CUL3: variants seen among roughly 807,000 people sequenced by gnomAD.
CUL3 encodes the protein cullin-3.
Under a neutral mutation model 89.1 loss-of-function variants are expected in CUL3, and 19 were observed. The observed-to-expected ratio is 0.21, with a 90% CI of 0.15 to 0.31. The LOEUF is 0.31. Ranked by LOEUF, CUL3 falls within the 10% of genes least tolerant of loss-of-function variation. The probability of loss-of-function intolerance (pLI) is 1.00; values close to 1 mark genes in which losing one functional copy is unlikely to be tolerated. For synonymous variants in CUL3, 351 were observed against 308.4 expected, an observed-to-expected ratio of 1.14 and a Z score of -1.45; for missense variants, 469 against 942.3, an observed-to-expected ratio of 0.50 and a Z score of 6.58.
chr2:224,560,233 G>A (rs921260013), intron 1 of CUL3, among the ~76,000 whole-genome samples: 2 of 151,502 alleles, frequency 1.3e-5, no homozygotes, highest in Non-Finnish European at 2.9e-5. Context: ...TCAAGTTCTC[G>A]ATTTCTTATC....
chr2:224,513,031 C>T (rs1692897165), intron 5 of CUL3, among the ~76,000 whole-genome samples: 1 of 152,186 alleles, frequency 6.6e-6, no homozygotes, highest in Admixed American at 6.5e-5. Flanking sequence ...TCCACTTCCA[C>T]TTAGTGAACA....
intron 1 of CUL3, among the ~76,000 whole-genome samples, chr2:224,558,539 G>C (rs1471173529): frequency 1.3e-5 from 2 of 152,132 alleles, no homozygotes; most frequent in Non-Finnish European, 2.9e-5. Context: ...AGGTTCTTGT[G>C]CTCAAAGTGC....
intron 1 of CUL3, among the ~76,000 whole-genome samples, chr2:224,578,347 T>C (rs528536786): frequency 1.4e-4 from 21 of 152,174 alleles, no homozygotes; most frequent in Non-Finnish European, 2.8e-4. Context: ...AACAGCAGCA[T>C]ATACAATGAT....
At chr2:224,578,767 T>C (rs1695368697) in intron 1 of CUL3, among the ~76,000 whole-genome samples, 2 of 152,160 alleles carry the variant, frequency 1.3e-5, no homozygotes, top group African/African-American at 4.8e-5. Context: ...GTAACTTTTA[T>C]ATAAACCTAA....
At chr2:224,519,330 C>G (rs534037489) in intron 3 of CUL3, among the ~76,000 whole-genome samples, 1 of 152,084 alleles carries the variant, frequency 6.6e-6, no homozygotes, top group African/African-American at 2.4e-5. Flanking sequence ...TTCCAAAATC[C>G]CCCCAAAATG....
At chr2:224,520,910 G>T (rs563225513) in intron 3 of CUL3, among the ~76,000 whole-genome samples, 1 of 152,308 alleles carries the variant, frequency 6.6e-6, no homozygotes, top group African/African-American at 2.4e-5. Flanking sequence ...GCTCAAAGGT[G>T]TCAAGACACA....
intron 1 of CUL3, among the ~76,000 whole-genome samples, chr2:224,583,085 C>G (rs1452160519): frequency 6.6e-6 from 1 of 152,112 alleles, no homozygotes; most frequent in Non-Finnish European, 1.5e-5. Context: ...GCTAGAAAAT[C>G]TGTTGTATAT....
In CUL3 at chr2:224,471,842, G is replaced by GA. The variant is rs1260574057; in HGVS notation, c.*2402dup. The stretch of plus-strand genomic sequence containing the variant: ...AAGAGATGACATGATTTTTGCAGTT[G>GA]AAAAACTATGTATCCACCCTCCTTA... On this transcript the variant is annotated 3_prime_UTR_variant, in exon 16 of 16. Coordinates refer to ENST00000264414, the MANE Select transcript of CUL3 (RefSeq NM_003590.5). 2 of 229,504 alleles carry GA rather than the reference G, an allele frequency of 8.7e-6. No homozygotes were observed. The highest frequency in any genetic ancestry group is 4.4e-5 in the African/African-American group (2 of 45,094). 14.2% of individuals were successfully genotyped at this position (229,504 alleles called of 1,614,324 possible). A position where few individuals can be genotyped will look rare whatever the true frequency, so the allele number is the denominator to read the frequency against.
At chr2:224,474,534 T>C (rs887904832) in intron 15 of CUL3, 158 bp from the exon 16 acceptor site, 5 of 606,698 alleles carry the variant, frequency 8.2e-6, no homozygotes, top group African/African-American at 7.4e-5. Context: ...TGTTTGAAAA[T>C]GTAATATTAT....
At chr2:224,521,360 C>A (rs1314456736) in intron 3 of CUL3, among the ~76,000 whole-genome samples, 1 of 151,946 alleles carries the variant, frequency 6.6e-6, no homozygotes, top group Non-Finnish European at 1.5e-5. Flanking sequence ...TACAAAAGTC[C>A]TCTGGTTCTA....
intron 15 of CUL3, among the ~76,000 whole-genome samples, chr2:224,476,292 CA>C (rs1251280306): frequency 6.6e-6 from 1 of 152,060 alleles, no homozygotes; most frequent in East Asian, 1.9e-4. Flanking sequence ...GCTGGGATTA[CA>C]GGCGTGAGCC....
At chr2:224,580,208 C>T (rs767045812) in intron 1 of CUL3, among the ~76,000 whole-genome samples, 3 of 152,136 alleles carry the variant, frequency 2.0e-5, no homozygotes, top group East Asian at 1.9e-4. Flanking sequence ...TTGTGCAAGG[C>T]GGGAAAGCTT....
rs1474077826 is a variant in CUL3 at position 224,471,203 on chromosome 2, A to C, written c.*3042T>G. ...ACATATAGTAAAATACATGACCTAC[A>C]ATTGATATGCAACAGCTTTCCTTCC... On this transcript the variant is annotated 3_prime_UTR_variant, in exon 16 of 16. Transcript: ENST00000264414. The C allele has an allele frequency of 4.7e-6, 1 of 211,958 alleles. No individual in the cohort carries two copies. Among genetic ancestry groups the C allele is most frequent in the African/African-American group, 2.3e-5 (1 of 44,250 alleles). 13.1% of individuals were successfully genotyped at this position (211,958 alleles called of 1,614,324 possible).
intron 3 of CUL3, among the ~76,000 whole-genome samples, chr2:224,530,164 G>A (rs1475132261): frequency 1.3e-5 from 2 of 152,024 alleles, no homozygotes; most frequent in South Asian, 2.1e-4. Flanking sequence ...GCGTGAACCC[G>A]GAAGGCAGAG....
chr2:224,559,314 C>T (rs982408170), intron 1 of CUL3, among the ~76,000 whole-genome samples: 3 of 151,570 alleles, frequency 2.0e-5, no homozygotes, highest in Non-Finnish European at 4.4e-5. Flanking sequence ...ATTAGCTGAG[C>T]GTGGTGGCGC....
At chr2:224,499,786 C>G (rs1029459399) in intron 11 of CUL3, 1 of 212,260 alleles carries the variant, frequency 4.7e-6, no homozygotes, top group Non-Finnish European at 1.0e-5. Flanking sequence ...GTGATACACT[C>G]ATCTTCATCC....
chr2:224,499,002 G>C (rs950220039), intron 11 of CUL3, among the ~76,000 whole-genome samples: 1 of 152,124 alleles, frequency 6.6e-6, no homozygotes, highest in Non-Finnish European at 1.5e-5. Context: ...ACCTTACAAA[G>C]ATACATGTCA....
rs1212205295 is a variant in CUL3 at position 224,485,929 on chromosome 2, T to G, written c.1843-3851A>C. On this transcript the variant is annotated intron_variant, in intron 13 of 15. Coordinates refer to ENST00000264414, the MANE Select transcript of CUL3 (RefSeq NM_003590.5). This position sits in a 1 kb window ranked among gnomAD's most constrained non-coding sequence, Gnocchi z 4.1. ...AGAGGAAGGAGCAGGCAGCAATCTT[T>G]GCTGTTCTGCAGCCTCCACTGGTGA... Among the ~76,000 whole-genome samples the G allele has an allele frequency of 6.6e-6, 1 of 152,220 alleles. No homozygotes were observed. The highest frequency in any genetic ancestry group is 2.4e-5 in the African/African-American group (1 of 41,458).
At chr2:224,560,922 C>T (rs1478551814) in intron 1 of CUL3, among the ~76,000 whole-genome samples, 4 of 152,186 alleles carry the variant, frequency 2.6e-5, no homozygotes, top group Non-Finnish European at 5.9e-5. Flanking sequence ...CCATGCACTC[C>T]CTGGCATACA....
Sources: gnomAD v4.1 joint callset for allele counts (sites outside exome capture counted in the v4.1 genomes callset) on GRCh38, gnomAD v4.1.1 for gene constraint, Gnocchi (gnomAD v3.1) non-coding constraint, MANE v1.5 for transcripts, NCBI Gene and HGNC (gene_info 2026-07-23, HGNC 2026-07-21) for gene names.